Variants in TADA2A observed in about 807,000 individuals in gnomAD.
TADA2A encodes transcriptional adapter 2-alpha.
A neutral mutation model predicts 67.4 loss-of-function variants in TADA2A; 38 were observed. That is an observed-to-expected ratio of 0.56 (90% CI 0.44 to 0.74). The LOEUF is 0.74. TADA2A is among the 30% of genes least tolerant of loss of function. The pLI is 0.00. For missense variants in TADA2A, 454 were observed against 547.0 expected (o/e 0.83, Z 1.70); for synonymous variants, 192 against 181.6 (o/e 1.06, Z -0.46).
At chr17:37,408,930 G>A (rs1039219049) in intron 1 of TADA2A, among the ~76,000 whole-genome samples, 7 of 151,842 alleles carry the variant, frequency 4.6e-5, no homozygotes, top group Admixed American at 6.6e-5. Flanking sequence ...AAATTACCAG[G>A]GTGAAAAAAA....
At chr17:37,446,055 A>C (rs1284410223) in intron 8 of TADA2A, among the ~76,000 whole-genome samples, 1 of 151,058 alleles carries the variant, frequency 6.6e-6, no homozygotes, top group Non-Finnish European at 1.5e-5. Flanking sequence ...TTACCTTAAG[A>C]AATTTTTCTC....
intron 3 of TADA2A, among the ~76,000 whole-genome samples, chr17:37,424,074 G>A (rs1449306995): frequency 2.0e-5 from 3 of 152,028 alleles, no homozygotes; most frequent in Non-Finnish European, 2.9e-5. Context: ...CGTTTTACCA[G>A]TGAAAAGTTG....
At chr17:37,449,320 C>T (rs1682896135) in intron 8 of TADA2A, among the ~76,000 whole-genome samples, 1 of 152,198 alleles carries the variant, frequency 6.6e-6, no homozygotes, top group African/African-American at 2.4e-5. Context: ...CGTGCCCGGC[C>T]TGATTTCACT....
intron 8 of TADA2A, among the ~76,000 whole-genome samples, chr17:37,449,478 T>C (rs916420038): frequency 6.6e-6 from 1 of 152,202 alleles, no homozygotes; most frequent in African/African-American, 2.4e-5. Context: ...ATTATTATTA[T>C]CCTCATTTTT....
intron 2 of TADA2A, 107 bp downstream of exon 2, chr17:37,411,497 A>C: frequency 9.3e-7 from 1 of 1,080,274 alleles, no homozygotes; most frequent in Non-Finnish European, 1.4e-6. Flanking sequence ...ATGTTGGCTC[A>C]CTGCAACTTC....
intron 4 of TADA2A, among the ~76,000 whole-genome samples, chr17:37,428,910 G>T (rs2052487498): frequency 6.6e-6 from 1 of 152,022 alleles, no homozygotes; most frequent in Non-Finnish European, 1.5e-5. Context: ...GCCAGGTGTG[G>T]TGGTGGGCGC....
intron 2 of TADA2A, among the ~76,000 whole-genome samples, chr17:37,412,234 A>T (rs75513522): frequency 7.1e-6 from 1 of 140,856 alleles, no homozygotes; most frequent in African/African-American, 2.6e-5. Flanking sequence ...AAAAAAAAAA[A>T]GAAAATGAGG....
chr17:37,444,330 A>G (rs1263537740), intron 7 of TADA2A, among the ~76,000 whole-genome samples: 1 of 151,456 alleles, frequency 6.6e-6, no homozygotes, highest in Admixed American at 6.6e-5. Context: ...TCTGTTTCCC[A>G]GGCAGTCTTG....
chr17:37,455,364 TTTTGTTTGTTTG>T (rs200179922), intron 8 of TADA2A, among the ~76,000 whole-genome samples: 8 of 83,690 alleles, frequency 9.6e-5, no homozygotes, highest in African/African-American at 2.8e-4. Context: ...AAGTTTGTTT[TTTTGTTTGTTTG>T]TTTGTTTGTT....
intron 1 of TADA2A, among the ~76,000 whole-genome samples, chr17:37,409,721 C>T (rs558157750): frequency 6.6e-5 from 10 of 150,912 alleles, no homozygotes; most frequent in Non-Finnish European, 1.3e-4. Context: ...GAGCTGAGAT[C>T]GTGCCATTGC....
At position 37,478,541 on chromosome 17, in the gene TADA2A, G is replaced by T. The variant is rs2053932796; in HGVS notation, c.*1559G>T. On this transcript the variant is annotated 3_prime_UTR_variant, in exon 16 of 16. Coordinates refer to ENST00000615182, the MANE Select transcript of TADA2A (RefSeq NM_001166105.3). ...AGAAGTAAAGCAGCTTTATATATGG[G>T]ACTCACTAGATATGAGGGTAAGTAG... is the stretch of plus-strand genomic sequence containing the variant. 1 of 152,154 alleles carries T rather than the reference G, an allele frequency of 6.6e-6. No homozygotes were observed. The highest frequency in any genetic ancestry group is 1.5e-5 in the Non-Finnish European group (1 of 68,034). 9.4% of individuals were successfully genotyped at this position (152,154 alleles called of 1,614,324 possible).
At chr17:37,434,562 C>T (rs1309221780) in intron 4 of TADA2A, among the ~76,000 whole-genome samples, 1 of 152,278 alleles carries the variant, frequency 6.6e-6, no homozygotes, top group South Asian at 2.1e-4. Context: ...TTCTGTGTTT[C>T]CTATAAATTA....
At chr17:37,416,460 A>G (rs973955340) in intron 2 of TADA2A, among the ~76,000 whole-genome samples, 1 of 152,116 alleles carries the variant, frequency 6.6e-6, no homozygotes, top group Non-Finnish European at 1.5e-5. Flanking sequence ...TTCTTAAAGT[A>G]TACTTGCTTT....
chr17:37,458,445 TA>T, intron 8 of TADA2A, 78 bp from the exon 9 acceptor site: 1 of 1,027,124 alleles, frequency 9.7e-7, no homozygotes, highest in Non-Finnish European at 1.3e-6. Context: ...GTAAAAGATT[TA>T]TTTTTGTCTT....
chr17:37,473,016 C>T (rs2053822796), intron 14 of TADA2A, among the ~76,000 whole-genome samples: 1 of 151,676 alleles, frequency 6.6e-6, no homozygotes, highest in Admixed American at 6.6e-5. Flanking sequence ...GGCTGGAGTG[C>T]AGTATGTGAT....
chr17:37,442,718 T>C, intron 7 of TADA2A, 66 bp downstream of exon 7: 1 of 1,470,172 alleles, frequency 6.8e-7, no homozygotes, highest in Non-Finnish European at 9.4e-7. Context: ...GAGCCTTCTG[T>C]CTCACCCATA....
chr17:37,464,065 C>T (rs1391679167), intron 10 of TADA2A, among the ~76,000 whole-genome samples: 2 of 152,140 alleles, frequency 1.3e-5, no homozygotes, highest in Non-Finnish European at 2.9e-5. Flanking sequence ...TGAAACGACC[C>T]AAGTAGCAGT....
intron 3 of TADA2A, among the ~76,000 whole-genome samples, chr17:37,425,867 G>A (rs937091436): frequency 6.7e-6 from 1 of 149,128 alleles, no homozygotes; most frequent in African/African-American, 2.5e-5. Context: ...TTGTTGCTCA[G>A]GCTGGTCTGG....
Position 37,420,820 on chromosome 17 carries a change from C to T in TADA2A, c.26-2689C>T, listed in dbSNP as rs1346310992. On this transcript the variant is annotated intron_variant, in intron 2 of 15. Transcript: ENST00000615182. ...GTTACAGAATGTGAGAAATCCTGTTCCAGGCTGAACAAATTAAATTCCTTC... is the reference window on the plus strand; with the variant it reads ...GTTACAGAATGTGAGAAATCCTGTTTCAGGCTGAACAAATTAAATTCCTTC... Among the ~76,000 whole-genome samples the T allele has an allele frequency of 2.0e-5, 3 of 146,856 alleles. 1 individual carries two copies. The highest frequency in any genetic ancestry group is 6.9e-5 in the Admixed American group (1 of 14,572).
Sources: gnomAD v4.1 joint callset for allele counts (sites outside exome capture counted in the v4.1 genomes callset) on GRCh38, gnomAD v4.1.1 for gene constraint, MANE v1.5 for transcripts, NCBI Gene and HGNC (gene_info 2026-07-23, HGNC 2026-07-21) for gene names.